The following RBPJ variants were observed in gnomAD, a reference collection of about 807,000 sequenced individuals.
The protein encoded by RBPJ is recombination signal binding protein for immunoglobulin kappa J region.
Under a neutral mutation model 67.8 loss-of-function variants are expected in RBPJ, and 9 were observed. The ratio of observed to expected loss-of-function variants is 0.13; its 90% CI spans 0.08 to 0.23. RBPJ has a LOEUF of 0.23. Ranked by LOEUF, RBPJ falls within the 10% of genes least tolerant of loss-of-function variation. The pLI, the probability that RBPJ is intolerant of heterozygous loss-of-function variation, is 1.00. For synonymous variants in RBPJ, 198 were observed against 203.3 expected (o/e 0.97, Z 0.22); for missense variants, 305 against 595.6 (o/e 0.51, Z 5.08).
chr4:26,433,999 A>G lies in RBPJ; in HGVS notation c.*2992A>G, dbSNP rs756414082. ...GACTATGCAGTTTCTAAACATACAC[A>G]TAGAAGCTGAGTCTCTGATCCAATA... On this transcript the variant is annotated 3_prime_UTR_variant, in exon 11 of 11. Transcript: ENST00000355476. 5 of 152,216 alleles carry G rather than the reference A, an allele frequency of 3.3e-5. No individual in the cohort carries two copies. The highest frequency in any genetic ancestry group is 7.4e-5 in the Non-Finnish European group (5 of 68,020). The allele number at this position is 152,216 out of a possible 1,614,324, so 9.4% of individuals were successfully genotyped here.
intron 1 of RBPJ, among the ~76,000 whole-genome samples, chr4:26,182,183 GT>G (rs1024695572): frequency 2.0e-5 from 3 of 151,966 alleles, no homozygotes; most frequent in African/African-American, 7.2e-5. Flanking sequence ...TCTACTAAAA[GT>G]ACAAAAAATT....
At chr4:26,192,903 T>C (rs1285432804) in intron 1 of RBPJ, among the ~76,000 whole-genome samples, 1 of 152,166 alleles carries the variant, frequency 6.6e-6, no homozygotes, top group African/African-American at 2.4e-5. Context: ...TTAGAGATCC[T>C]GAGATCGGGA....
At chr4:26,202,435 G>C (rs1718011605) in intron 1 of RBPJ, among the ~76,000 whole-genome samples, 1 of 151,700 alleles carries the variant, frequency 6.6e-6, no homozygotes, top group South Asian at 2.1e-4. Flanking sequence ...TCTAAAACCT[G>C]ATCTTTCCTT....
At chr4:26,237,369 G>A (rs964962798) in intron 1 of RBPJ, among the ~76,000 whole-genome samples, 3 of 152,054 alleles carry the variant, frequency 2.0e-5, no homozygotes, top group Non-Finnish European at 4.4e-5. Flanking sequence ...AATCATTATG[G>A]TCGAATAAAT....
intron 1 of RBPJ, among the ~76,000 whole-genome samples, chr4:26,208,438 A>G (rs1008928405): frequency 2.6e-5 from 4 of 152,230 alleles, no homozygotes; most frequent in East Asian, 1.9e-4. Flanking sequence ...TAGGCTGGCC[A>G]GGAACACATG....
intron 1 of RBPJ, among the ~76,000 whole-genome samples, chr4:26,369,611 C>T (rs1211477256): frequency 6.6e-6 from 1 of 152,100 alleles, no homozygotes; most frequent in Non-Finnish European, 1.5e-5. Flanking sequence ...TGATTGTGAT[C>T]TATGCTCATA....
chr4:26,200,796 A>T (rs1717956028), intron 1 of RBPJ, among the ~76,000 whole-genome samples: 1 of 152,000 alleles, frequency 6.6e-6, no homozygotes, highest in Non-Finnish European at 1.5e-5. Flanking sequence ...AGCCTCCTTG[A>T]CCCCTTACTG....
At chr4:26,359,056 G>C (rs1250974163) in intron 1 of RBPJ, among the ~76,000 whole-genome samples, 1 of 152,156 alleles carries the variant, frequency 6.6e-6, no homozygotes, top group South Asian at 2.1e-4. Flanking sequence ...CTTAAGCTTT[G>C]CTGCCACTCT....
Position 26,396,733 on chromosome 4 carries a change from T to A in RBPJ, c.60-9442T>A, listed in dbSNP as rs1159773800. On this transcript the variant is annotated intron_variant, in intron 2 of 10. Coordinates refer to ENST00000355476, the MANE Select transcript of RBPJ (RefSeq NM_015874.6). ...TGTCTCATAGCTGTGTGACAGGATT[T>A]GAAGCAATTTACTTACTTATCTACA... 3.3e-5 allele frequency among the ~76,000 whole-genome samples: 5 copies of A among 152,348 alleles called. No individual in the cohort carries two copies. The Middle Eastern group carries it at 0.01, about 311-fold the overall frequency.
At chr4:26,316,522 T>TATATCTATTC (rs1722633094), upstream of RBPJ, among the ~76,000 whole-genome samples, 1 of 114,824 alleles carries the variant, frequency 8.7e-6, no homozygotes. Context: ...TATATATTCA[T>TATATCTATTC]ATATATATTC....
chr4:26,243,577 T>C lies in RBPJ; in HGVS notation c.-167+79963T>C, dbSNP rs143983159. 2.0e-4 allele frequency among the ~76,000 whole-genome samples: 30 copies of C among 152,324 alleles called. No individual in the cohort carries two copies. The East Asian group carries it at 5.8e-3, about 29-fold the overall frequency. On this transcript the variant is annotated intron_variant, in intron 1 of 4. Transcript: ENST00000512351. ...TCTGCATAATTTAGTAAACCAATAT[T>C]TTCCAAATGACAAAGCATGATGCTA... is the stretch of plus-strand genomic sequence containing the variant.
In RBPJ at chr4:26,172,621, G is replaced by A. The variant is rs531380836; in HGVS notation, c.-167+9007G>A. On this transcript the variant is annotated intron_variant, in intron 1 of 4. Transcript: ENST00000512351. ...TAACTTACCACTAGAAATCTCTTTT[G>A]GAATGTCACTCTCCTTTATAATAAT... 2.1e-4 allele frequency among the ~76,000 whole-genome samples: 32 copies of A among 152,230 alleles called. No homozygotes were observed. In the South Asian group the frequency reaches 6.4e-3, roughly 31 times the overall value.
chr4:26,363,135 A>AT (rs1328353463), intron 1 of RBPJ, among the ~76,000 whole-genome samples: 2 of 152,028 alleles, frequency 1.3e-5, no homozygotes, highest in African/African-American at 4.8e-5. Flanking sequence ...TTATTTATTT[A>AT]TTTTTTATTT....
chr4:26,255,232 G>A (rs1361595227), intron 1 of RBPJ, among the ~76,000 whole-genome samples: 3 of 137,672 alleles, frequency 2.2e-5, no homozygotes, highest in Non-Finnish European at 4.6e-5. Context: ...GTGAGACCCC[G>A]TCTCTACTAA....
intron 1 of RBPJ, among the ~76,000 whole-genome samples, chr4:26,238,440 T>A (rs1184125833): frequency 1.3e-5 from 2 of 152,226 alleles, no homozygotes; most frequent in African/African-American, 4.8e-5. Flanking sequence ...ATGTATCTCA[T>A]AGCTTCTATG....
chr4:26,215,331 G>A lies in RBPJ; in HGVS notation c.-167+51717G>A, dbSNP rs879667814. Among the ~76,000 whole-genome samples the A allele has an allele frequency of 0.012, 500 of 40,224 alleles. 47 individuals are homozygous for A. In the East Asian group the frequency reaches 0.41, roughly 33 times the overall value. The allele number at this position is 40,224 out of a possible 152,430, so 26.4% of individuals were successfully genotyped here. On this transcript the variant is annotated intron_variant, in intron 1 of 4. Transcript: ENST00000512351. ...GAAAAGAGAAAGAAAGAAAGAAAAAGAGAGAGAGAAAGAAAGAAAAAAAGA... is the reference window on the plus strand; with the variant it reads ...GAAAAGAGAAAGAAAGAAAGAAAAAAAGAGAGAGAAAGAAAGAAAAAAAGA...
the RBPJ span, among the ~76,000 whole-genome samples, chr4:26,153,528 G>T: frequency 6.6e-6 from 1 of 152,174 alleles, no homozygotes; most frequent in Non-Finnish European, 1.5e-5. Context: ...CAGGATGTGG[G>T]TCCTCCAAGG....
intron 1 of RBPJ, among the ~76,000 whole-genome samples, chr4:26,193,718 G>C (rs777706321): frequency 6.6e-6 from 1 of 152,042 alleles, no homozygotes; most frequent in East Asian, 1.9e-4. Flanking sequence ...AGCTTCACAC[G>C]GCAGCCAGAG....
chr4:26,240,815 C>A (rs184852020), intron 1 of RBPJ, among the ~76,000 whole-genome samples: 1 of 152,086 alleles, frequency 6.6e-6, no homozygotes, highest in Non-Finnish European at 1.5e-5. Context: ...TATCCTGTGA[C>A]CCCCAATAGT....
Sources: gnomAD v4.1 joint callset for allele counts (sites outside exome capture counted in the v4.1 genomes callset) on GRCh38, gnomAD v4.1.1 for gene constraint, MANE v1.5 for transcripts, NCBI Gene and HGNC (gene_info 2026-07-23, HGNC 2026-07-21) for gene names.